The following CFAP96 variants were observed in gnomAD, a reference collection of about 807,000 sequenced individuals.
CFAP96 encodes cilia-and flagella-associated protein 96.
the CFAP96 span, among the ~76,000 whole-genome samples, chr4:185,437,988 C>T: frequency 9.2e-5 from 14 of 151,378 alleles, no homozygotes; most frequent in East Asian, 2.7e-3. Flanking sequence ...TGCACTATGT[C>T]CTTTCCTCTG....
the CFAP96 span, chr4:185,436,034 A>C: frequency 6.7e-7 from 1 of 1,501,928 alleles, no homozygotes; most frequent in East Asian, 2.5e-5. Flanking sequence ...ACATCAAAAA[A>C]TTGTATTTAA....
At chr4:185,409,441 C>T in the CFAP96 span, among the ~76,000 whole-genome samples, 1 of 152,110 alleles carries the variant, frequency 6.6e-6, no homozygotes, top group African/African-American at 2.4e-5. Context: ...CCTCCTGCCT[C>T]AGCCTCCTGA....
At chr4:185,447,681 AGT>A in the CFAP96 span, among the ~76,000 whole-genome samples, 2 of 152,202 alleles carry the variant, frequency 1.3e-5, no homozygotes, top group African/African-American at 2.4e-5. Flanking sequence ...TATTAGAACC[AGT>A]GTCTTTCCTA....
At chr4:185,443,808 A>T in the CFAP96 span, among the ~76,000 whole-genome samples, 4 of 150,884 alleles carry the variant, frequency 2.7e-5, no homozygotes, top group Non-Finnish European at 1.5e-5. Context: ...TTTTGCTTTT[A>T]TACTTGTAAA....
At chr4:185,419,848 A>G in the CFAP96 span, among the ~76,000 whole-genome samples, 1 of 152,156 alleles carries the variant, frequency 6.6e-6, no homozygotes, top group African/African-American at 2.4e-5. Context: ...CTTTTTGGCT[A>G]TCATATATAT....
the CFAP96 span, among the ~76,000 whole-genome samples, chr4:185,441,346 T>C: frequency 6.6e-6 from 1 of 152,168 alleles, no homozygotes; most frequent in Non-Finnish European, 1.5e-5. Flanking sequence ...TTGCGGACTT[T>C]GTATTTCAAA....
At chr4:185,415,653 T>G in the CFAP96 span, 2 of 1,461,140 alleles carry the variant, frequency 1.4e-6, no homozygotes, top group Non-Finnish European at 9.3e-7. Context: ...TATACAAACA[T>G]GGGTTTGGGG....
the CFAP96 span, chr4:185,413,814 G>A: frequency 6.2e-7 from 1 of 1,613,276 alleles, no homozygotes; most frequent in Non-Finnish European, 8.5e-7. Context: ...AAAGTGATAA[G>A]CATTAGACCT....
At chr4:185,416,955 A>T in the CFAP96 span, among the ~76,000 whole-genome samples, 1 of 152,212 alleles carries the variant, frequency 6.6e-6, no homozygotes, top group Non-Finnish European at 1.5e-5. Flanking sequence ...TTATCAATGG[A>T]TGCTAAAAGT....
chr4:185,449,611 G>A, the CFAP96 span: 1 of 1,542,664 alleles, frequency 6.5e-7, no homozygotes, highest in Non-Finnish European at 8.8e-7. Context: ...TAAATTCAAA[G>A]AACTACAAGA....
At chr4:185,418,161 C>A in the CFAP96 span, among the ~76,000 whole-genome samples, 1 of 151,738 alleles carries the variant, frequency 6.6e-6, no homozygotes, top group Non-Finnish European at 1.5e-5. Flanking sequence ...ATTCAGAATG[C>A]GATTTAATTT....
chr4:185,428,914 G>C, the CFAP96 span, among the ~76,000 whole-genome samples: 1 of 151,888 alleles, frequency 6.6e-6, no homozygotes, highest in Non-Finnish European at 1.5e-5. Context: ...TTCAACATAA[G>C]GGACAATGCA....
the CFAP96 span, among the ~76,000 whole-genome samples, chr4:185,444,687 TA>T: frequency 6.6e-6 from 1 of 152,190 alleles, no homozygotes; most frequent in African/African-American, 2.4e-5. Context: ...AGTGATAGCC[TA>T]GTCTGATAAA....
At chr4:185,418,607 C>G in the CFAP96 span, 1 of 1,613,384 alleles carries the variant, frequency 6.2e-7, no homozygotes. Context: ...GCAGTATGTT[C>G]TTACAAGCAG....
chr4:185,443,445 T>G, the CFAP96 span, among the ~76,000 whole-genome samples: 1 of 148,474 alleles, frequency 6.7e-6, no homozygotes, highest in Non-Finnish European at 1.5e-5. Context: ...CCAGGTTCAA[T>G]TCAAGCGATT....
the CFAP96 span, among the ~76,000 whole-genome samples, chr4:185,438,256 C>T: frequency 2.8e-4 from 43 of 152,054 alleles, no homozygotes; most frequent in Non-Finnish European, 4.3e-4. Context: ...TTTACCAACA[C>T]CCTATTAACT....
At chr4:185,424,917 C>A in the CFAP96 span, among the ~76,000 whole-genome samples, 2 of 152,198 alleles carry the variant, frequency 1.3e-5, no homozygotes, top group African/African-American at 4.8e-5. Flanking sequence ...TCCGAATTAG[C>A]TGAGATACTC....
At chr4:185,433,753 T>C in the CFAP96 span, among the ~76,000 whole-genome samples, 11 of 151,800 alleles carry the variant, frequency 7.2e-5, no homozygotes, top group Non-Finnish European at 1.2e-4. Context: ...AATATAAAAA[T>C]TAGCCGGGCG....
the CFAP96 span, among the ~76,000 whole-genome samples, chr4:185,430,088 A>G: frequency 6.6e-6 from 1 of 152,204 alleles, no homozygotes; most frequent in African/African-American, 2.4e-5. Context: ...TTCTCCCAGA[A>G]TATTTTGGTT....
Sources: allele counts gnomAD v4.1 joint callset (sites outside exome capture counted in the v4.1 genomes callset), GRCh38; gene constraint gnomAD v4.1.1; transcripts MANE v1.5; gene names NCBI Gene and HGNC (gene_info 2026-07-23, HGNC 2026-07-21).